Variants in MICAL2 observed in about 807,000 individuals in gnomAD.
MICAL2 encodes the protein microtubule associated monooxygenase, calponin and LIM domain containing 2, also known as [F-actin]-monooxygenase MICAL2.
In MICAL2, 77 loss-of-function variants were observed where a neutral mutation model predicts 127.3. The ratio of observed to expected loss-of-function variants is 0.60; its 90% confidence interval spans 0.50 to 0.73. The LOEUF is 0.73. Ranked by LOEUF, MICAL2 falls within the 30% of genes least tolerant of loss-of-function variation. The pLI, the probability that MICAL2 is intolerant of heterozygous loss-of-function variation, is 0.00. For synonymous variants in MICAL2, 570 were observed against 551.1 expected (o/e 1.03, Z -0.48); for missense variants, 1,351 against 1,434.4 (o/e 0.94, Z 0.94).
upstream of MICAL2, among the ~76,000 whole-genome samples, chr11:12,275,444 G>A (rs756335035): frequency 1.3e-5 from 2 of 152,132 alleles, no homozygotes; most frequent in African/African-American, 4.8e-5. Context: ...TGAGTCCCGG[G>A]ATCTTTCAGT....
At chr11:12,291,144 C>T (rs971811209), downstream of MICAL2, among the ~76,000 whole-genome samples, 4 of 152,116 alleles carry the variant, frequency 2.6e-5, no homozygotes, top group East Asian at 1.9e-4. Context: ...TCCCTACGTG[C>T]CACCACGGTT....
chr11:12,299,270 CT>C (rs542837584), intron 29 of MICAL2, among the ~76,000 whole-genome samples: 19 of 148,888 alleles, frequency 1.3e-4, no homozygotes, highest in East Asian at 2.0e-4. Flanking sequence ...ACCCATCAGT[CT>C]TTTTTTTTTA....
downstream of MICAL2, among the ~76,000 whole-genome samples, chr11:12,264,404 C>A (rs898962166): frequency 6.6e-6 from 1 of 152,162 alleles, no homozygotes; most frequent in Non-Finnish European, 1.5e-5. Flanking sequence ...TAGCACCACC[C>A]GAAGTATAGT....
At chr11:12,231,742 C>A (rs866320706) in intron 15 of MICAL2, among the ~76,000 whole-genome samples, 2 of 152,208 alleles carry the variant, frequency 1.3e-5, no homozygotes, top group Non-Finnish European at 2.9e-5. Context: ...CAGGACTTCT[C>A]ATGGCAGAGG....
At chr11:12,127,074 G>T (rs1202298845) in intron 1 of MICAL2, among the ~76,000 whole-genome samples, 1 of 152,162 alleles carries the variant, frequency 6.6e-6, no homozygotes, top group Non-Finnish European at 1.5e-5. Context: ...GATGCAAAGA[G>T]GCTTTAATGA....
At chr11:12,221,840 T>G in intron 10 of MICAL2, 81 bp downstream of exon 10, 1 of 1,103,534 alleles carries the variant, frequency 9.1e-7, no homozygotes. Flanking sequence ...CGCAGGTGAC[T>G]GCTGGATATA....
chr11:12,296,933 T>C (rs1023321750), downstream of MICAL2, among the ~76,000 whole-genome samples: 1 of 151,900 alleles, frequency 6.6e-6, no homozygotes, highest in Non-Finnish European at 1.5e-5. Context: ...TGTAACATAA[T>C]TGATGTAGCC....
intron 3 of MICAL2, among the ~76,000 whole-genome samples, chr11:12,172,838 A>G (rs1410470571): frequency 2.0e-5 from 3 of 151,996 alleles, no homozygotes; most frequent in African/African-American, 7.2e-5. Context: ...CCATCCTCCC[A>G]GTGCACAGGC....
At position 12,256,955 on chromosome 11, in the gene MICAL2, C is replaced by A; in HGVS notation, c.3126C>A (p.Thr1042=). The change falls in exon 24 of 28, where the codon ACC becomes ACA. Residue 1042 remains threonine, a synonymous_variant. Coordinates refer to ENST00000683283, the MANE Select transcript of MICAL2 (RefSeq NM_001282663.2). ...CCACCTTGCGCCTGGCCGCCTACAC[C>A]TTTGACTGCGATGAAGGTAACCCCA... The part of the protein sequence containing the change: ...CATTLRLAAY[T]FDCDEGKFYC... The A allele has an allele frequency of 2.5e-6, 4 of 1,613,268 alleles. No homozygotes were observed. The highest frequency in any genetic ancestry group is 3.4e-6 in the Non-Finnish European group (4 of 1,179,568).
rs539632709 is a variant in MICAL2, at chr11:12,301,466, A to G, written c.5212+6609A>G. ...ATAGTGCTGTTAGGAGCACTCTTAT[A>G]CGTACGTATTTTTGGTGTACATATG... On this transcript the variant is annotated intron_variant, in intron 29 of 34. Transcript: ENST00000646065. Among the ~76,000 whole-genome samples, 4 of 152,338 alleles carry G rather than the reference A, an allele frequency of 2.6e-5. No individual in the cohort carries two copies. In the South Asian group the frequency reaches 6.2e-4, roughly 24 times the overall value.
chr11:12,248,364 A>G (rs752365474), intron 21 of MICAL2, among the ~76,000 whole-genome samples: 4 of 151,932 alleles, frequency 2.6e-5, no homozygotes, highest in Admixed American at 1.3e-4. Context: ...ATCCCACCAA[A>G]CCAGCCCTCT....
chr11:12,233,663 A>T (rs1858619310), intron 15 of MICAL2, among the ~76,000 whole-genome samples: 1 of 152,196 alleles, frequency 6.6e-6, no homozygotes, highest in Non-Finnish European at 1.5e-5. Context: ...CTTTCAAATC[A>T]TTGGGAAATC....
chr11:12,297,724 C>T (rs1864002663), intron 29 of MICAL2, among the ~76,000 whole-genome samples: 1 of 151,896 alleles, frequency 6.6e-6, no homozygotes. Context: ...TTCTGCCTTA[C>T]TTTTTAGATG....
rs79988722 is a variant in MICAL2, at chr11:12,354,652, A to T, written c.5616-132A>T. 3,643 of 697,198 alleles carry T rather than the reference A, an allele frequency of 5.2e-3. 50 individuals carry two copies. The highest frequency in any genetic ancestry group is 0.037 in the African/African-American group (2,091 of 55,858). 43.2% of individuals were successfully genotyped at this position (697,198 alleles called of 1,614,324 possible). A position where few individuals can be genotyped will look rare whatever the true frequency, so the allele number is the denominator to read the frequency against. ...TCAGAAAAATAATAATTACAATAAA[A>T]AATAAAGATAGGCTAAAACTCCAGT... On this transcript the variant is annotated intron_variant, in intron 33 of 34. Coordinates refer to the MICAL2 transcript ENST00000646065.
At chr11:12,258,177 C>G (rs907052960) in intron 24 of MICAL2, among the ~76,000 whole-genome samples, 9 of 152,158 alleles carry the variant, frequency 5.9e-5, no homozygotes, top group Non-Finnish European at 4.4e-5. Context: ...TCTCCGGGTG[C>G]GGGCATGCCA....
At chr11:12,260,700 A>G (rs1380317681) in intron 26 of MICAL2, 8 of 985,606 alleles carry the variant, frequency 8.1e-6, no homozygotes, top group Non-Finnish European at 9.6e-6. Context: ...ATTATTTTAG[A>G]AGAAGAGAGT....
intron 3 of MICAL2, among the ~76,000 whole-genome samples, chr11:12,169,027 G>A (rs1316243212): frequency 6.6e-6 from 1 of 150,910 alleles, no homozygotes; most frequent in African/African-American, 2.4e-5. Flanking sequence ...TTGAGCCTAA[G>A]CCAAGCTAAT....
chr11:12,260,238 G>A (rs1275152818), intron 26 of MICAL2: 60 of 1,444,342 alleles, frequency 4.2e-5, no homozygotes, highest in Non-Finnish European at 3.3e-5. Flanking sequence ...TGCGTTTGCA[G>A]TTTGCTCAGG....
At chr11:12,309,097 A>G (rs1159283880) in intron 29 of MICAL2, among the ~76,000 whole-genome samples, 2 of 152,154 alleles carry the variant, frequency 1.3e-5, no homozygotes, top group Non-Finnish European at 2.9e-5. Context: ...TACATGTGAT[A>G]TTTTGATGCA....
Sources: gnomAD v4.1 joint callset for allele counts (sites outside exome capture counted in the v4.1 genomes callset) on GRCh38, gnomAD v4.1.1 for gene constraint, MANE v1.5 for transcripts, NCBI Gene and HGNC (gene_info 2026-07-23, HGNC 2026-07-21) for gene names.